Variants in DNAH3 observed in about 807,000 individuals in gnomAD.
DNAH3 encodes the protein dynein axonemal heavy chain 3, also known as axonemal beta dynein heavy chain 3.
A neutral mutation model predicts 432.5 loss-of-function variants in DNAH3; 332 were observed. The ratio of observed to expected loss-of-function variants is 0.77; its 90% CI spans 0.70 to 0.84. DNAH3 has a LOEUF of 0.84. Ranked by LOEUF, DNAH3 falls within the 40% of genes least tolerant of loss-of-function variation. The probability of loss-of-function intolerance (pLI) is 0.00; values close to 1 mark genes in which losing one functional copy is unlikely to be tolerated. For missense variants in DNAH3, 4,861 were observed against 5,114.0 expected (o/e 0.95, Z 1.51); for synonymous variants, 1,956 against 1,900.2 (o/e 1.03, Z -0.76).
At chr16:20,943,967 G>T (rs1043674987) in intron 58 of DNAH3, among the ~76,000 whole-genome samples, 2 of 150,642 alleles carry the variant, frequency 1.3e-5, no homozygotes, top group Non-Finnish European at 2.9e-5. Context: ...CTAGGTAACC[G>T]AGCCAAACCG....
At chr16:21,020,517 C>T (rs1189286385) in intron 40 of DNAH3, among the ~76,000 whole-genome samples, 2 of 146,888 alleles carry the variant, frequency 1.4e-5, no homozygotes, top group South Asian at 2.2e-4. Flanking sequence ...ATTCTCCTGC[C>T]TCAGCCTCCC....
At chr16:21,079,810 G>A (rs1000036018) in intron 20 of DNAH3, among the ~76,000 whole-genome samples, 5 of 152,124 alleles carry the variant, frequency 3.3e-5, no homozygotes, top group Non-Finnish European at 5.9e-5. Flanking sequence ...AAACATTTGC[G>A]TCTCTAGGCC....
chr16:21,121,249 C>T (rs114858962), intron 10 of DNAH3, among the ~76,000 whole-genome samples: 3,297 of 152,242 alleles, frequency 0.022, 126 homozygotes, highest in African/African-American at 0.074. Flanking sequence ...GGAGTTACAT[C>T]CATGTGCATG....
chr16:21,120,649 T>G, intron 11 of DNAH3: 1 of 966,464 alleles, frequency 1.0e-6, no homozygotes, highest in South Asian at 1.3e-5. Flanking sequence ...CGTAAAGTCA[T>G]TGGTATTCAC....
chr16:20,938,762 A>G (rs529028411), intron 59 of DNAH3, among the ~76,000 whole-genome samples: 9 of 151,868 alleles, frequency 5.9e-5, no homozygotes, highest in Admixed American at 2.0e-4. Flanking sequence ...TCATTGGAAA[A>G]TAAGATTGCT....
chr16:21,075,659 TC>T, intron 20 of DNAH3, 98 bp from the exon 21 acceptor site: 2 of 928,320 alleles, frequency 2.2e-6, no homozygotes, highest in Non-Finnish European at 3.5e-6. Context: ...ATGCCTGTAA[TC>T]CCAGCACTTT....
intron 24 of DNAH3, among the ~76,000 whole-genome samples, chr16:21,064,396 C>T (rs2090468132): frequency 6.6e-6 from 1 of 152,164 alleles, no homozygotes; most frequent in South Asian, 2.1e-4. Context: ...CCAGCCAAGC[C>T]CAGCTCAATC....
intron 32 of DNAH3, among the ~76,000 whole-genome samples, chr16:21,040,723 A>T (rs2089406909): frequency 6.6e-6 from 1 of 151,968 alleles, no homozygotes; most frequent in African/African-American, 2.4e-5. Flanking sequence ...AAGTTATACA[A>T]CCCTTGTAGA....
chr16:21,092,624 G>T (rs2091567235), intron 18 of DNAH3, among the ~76,000 whole-genome samples: 1 of 112,750 alleles, frequency 8.9e-6, no homozygotes, highest in South Asian at 3.0e-4. Context: ...GATAAACTAG[G>T]AATGAAAAGA....
chr16:21,049,841 C>G, intron 30 of DNAH3, 69 bp downstream of exon 30: 1 of 1,413,630 alleles, frequency 7.1e-7, no homozygotes, highest in Admixed American at 1.7e-5. Context: ...AAAGTTGATG[C>G]CTACTTCCCA....
chr16:20,941,377 T>A, intron 59 of DNAH3, 24 bp downstream of exon 59: 1 of 1,613,328 alleles, frequency 6.2e-7, no homozygotes, highest in Non-Finnish European at 8.5e-7. Context: ...ACTCCCAGGA[T>A]TCAAGCTACA....
chr16:21,125,751 TA>T (rs538799561), intron 8 of DNAH3, among the ~76,000 whole-genome samples: 5 of 152,030 alleles, frequency 3.3e-5, no homozygotes, highest in Non-Finnish European at 5.9e-5. Flanking sequence ...TCAAACTTCA[TA>T]GGGGGAAAGA....
intron 59 of DNAH3, 42 bp from the exon 60 acceptor site, chr16:20,936,895 G>T: frequency 2.0e-6 from 3 of 1,533,360 alleles, no homozygotes; most frequent in Non-Finnish European, 2.7e-6. Context: ...CTCTCCGGTG[G>T]CCACATTCTA....
intron 57 of DNAH3, among the ~76,000 whole-genome samples, chr16:20,946,920 G>A (rs2084073433): frequency 2.0e-5 from 3 of 150,588 alleles, no homozygotes; most frequent in Non-Finnish European, 3.0e-5. Context: ...TGCCTCCTGG[G>A]CTCAAGCGAT....
intron 18 of DNAH3, among the ~76,000 whole-genome samples, chr16:21,089,428 A>C (rs1166777919): frequency 6.6e-6 from 1 of 152,196 alleles, no homozygotes; most frequent in Non-Finnish European, 1.5e-5. Flanking sequence ...TTTTATTGCA[A>C]ATAGAACACT....
chr16:21,039,751 T>C, intron 33 of DNAH3, 101 bp downstream of exon 33: 8 of 913,340 alleles, frequency 8.8e-6, no homozygotes, highest in Non-Finnish European at 1.1e-5. Flanking sequence ...TTTCTCAAGC[T>C]TCTCTCTCTT....
chr16:20,938,690 G>C (rs1297358983), intron 59 of DNAH3, among the ~76,000 whole-genome samples: 1 of 142,260 alleles, frequency 7.0e-6, no homozygotes, highest in East Asian at 2.0e-4. Flanking sequence ...AAAAAAAAGG[G>C]AAAGAAAAAA....
At chr16:21,068,845 A>G (rs1312035926) in intron 23 of DNAH3, among the ~76,000 whole-genome samples, 7 of 152,184 alleles carry the variant, frequency 4.6e-5, no homozygotes, top group Non-Finnish European at 7.3e-5. Flanking sequence ...AAATAATACA[A>G]ACTGCCTATA....
In DNAH3 at chr16:21,031,294, A is replaced by G. The variant is rs2088859349; in HGVS notation, c.5198-8T>C. ...ACTCCTCCATCTGATTGGCTGGGCA[A>G]GAAGGTTCAACACCAGTTATAAAGG... On this transcript the variant is annotated splice_polypyrimidine_tract_variant and splice_region_variant and intron_variant, in intron 36 of 61. Transcript: ENST00000261383. 6.2e-7 allele frequency: 1 copy of G among 1,614,178 alleles called. No homozygotes were observed. The highest frequency in any genetic ancestry group is 1.1e-5 in the South Asian group (1 of 91,080).
Sources: gnomAD v4.1 joint callset for allele counts (sites outside exome capture counted in the v4.1 genomes callset) on GRCh38, gnomAD v4.1.1 for gene constraint, MANE v1.5 for transcripts, NCBI Gene and HGNC (gene_info 2026-07-23, HGNC 2026-07-21) for gene names.